TBC1D1: variants seen among roughly 807,000 people sequenced by gnomAD.
TBC1D1 encodes the protein TBC1 (tre-2/USP6, BUB2, cdc16) domain family, member 1.
Under a neutral mutation model 125.6 loss-of-function variants are expected in TBC1D1, and 89 were observed. The observed-to-expected ratio is 0.71, with a 90% CI of 0.60 to 0.85. The LOEUF is 0.85. Among genes scored for constraint, TBC1D1 ranks in the 40% least tolerant of loss-of-function variants. TBC1D1 has a pLI of 0.00. For missense variants in TBC1D1, 1,377 were observed against 1,469.2 expected (o/e 0.94, Z 1.03); for synonymous variants, 565 against 564.1 (o/e 1.00, Z -0.02).
intron 4 of TBC1D1, among the ~76,000 whole-genome samples, 190 bp from the exon 5 acceptor site, chr4:38,020,401 C>T (rs548566723): frequency 2.0e-5 from 3 of 152,252 alleles, no homozygotes; most frequent in Non-Finnish European, 4.4e-5. Context: ...TCACTTGAAC[C>T]CTGGAGACAG....
At chr4:38,011,351 C>G (rs368442331) in intron 2 of TBC1D1, among the ~76,000 whole-genome samples, 1 of 139,836 alleles carries the variant, frequency 7.2e-6, no homozygotes, top group African/African-American at 2.7e-5. Context: ...GAAACTCCAT[C>G]TCAAAAAAAA....
chr4:38,078,029 G>A (rs1362522321), intron 12 of TBC1D1, among the ~76,000 whole-genome samples: 1 of 152,148 alleles, frequency 6.6e-6, no homozygotes. Flanking sequence ...CCAGGACCTG[G>A]CTTAAAGTTA....
chr4:37,972,632 G>A (rs557327833), intron 2 of TBC1D1, among the ~76,000 whole-genome samples: 11 of 152,072 alleles, frequency 7.2e-5, no homozygotes, highest in East Asian at 5.8e-4. Flanking sequence ...TAGGCCAGGC[G>A]CAGTGGCTCA....
Position 38,045,841 on chromosome 4 carries a change from G to A in TBC1D1, c.1567G>A (p.Glu523Lys), listed in dbSNP as rs749152910. The A allele has an allele frequency of 2.5e-6, 4 of 1,614,122 alleles. No individual in the cohort carries two copies. The highest frequency in any genetic ancestry group is 2.2e-5 in the South Asian group (2 of 91,072). ...GGGTAATAAAGCCAGAGGCCTGCAG[G>A]AACACTCCATCAGTGTGGATCTGGA... The change falls in exon 10 of 20, where the codon GAA becomes AAA. Residue 523 changes from glutamate (E) to lysine (K), a missense_variant. Transcript: ENST00000261439.
At chr4:38,000,045 T>C (rs1294729446) in intron 2 of TBC1D1, among the ~76,000 whole-genome samples, 2 of 152,242 alleles carry the variant, frequency 1.3e-5, no homozygotes, top group African/African-American at 4.8e-5. Context: ...TTTGCCCCAT[T>C]AGAGTTTGCT....
At chr4:38,114,880 G>A (rs1029848624) in intron 15 of TBC1D1, among the ~76,000 whole-genome samples, 2 of 152,020 alleles carry the variant, frequency 1.3e-5, no homozygotes, top group South Asian at 2.1e-4. Context: ...TTGAAAGTAC[G>A]GAGATATGCA....
At chr4:38,107,601 T>TTTTG (rs61499918) in intron 15 of TBC1D1, among the ~76,000 whole-genome samples, 4,661 of 130,600 alleles carry the variant, frequency 0.036, 55 homozygotes, top group East Asian at 0.13. Context: ...TTTTTTTTTT[T>TTTTG]GGCAATGTGT....
intron 2 of TBC1D1, among the ~76,000 whole-genome samples, chr4:37,986,440 C>T (rs1287310133): frequency 1.3e-5 from 2 of 151,992 alleles, no homozygotes; most frequent in African/African-American, 2.4e-5. Flanking sequence ...TTTCAGAATA[C>T]TTTATTTATT....
At position 38,096,040 on chromosome 4, in the gene TBC1D1, G is replaced by A. The variant is rs751537266; in HGVS notation, c.2348G>A (p.Arg783Lys). Residue 783 changes from arginine to lysine, a missense_variant, in exon 14 of 20, where the codon AGA (arginine) becomes AAA (lysine). Transcript: ENST00000261439. ...GAAAAGATGCTTAGCACTCCAGGAAGATCAAAAATTAAGTTTGACATGGAA... is the reference window on the plus strand; with the variant it reads ...GAAAAGATGCTTAGCACTCCAGGAAAATCAAAAATTAAGTTTGACATGGAA... 6.2e-6 allele frequency: 10 copies of A among 1,613,672 alleles called. No individual in the cohort carries two copies. In the East Asian group the frequency reaches 6.7e-5, roughly 11 times the overall value.
At chr4:38,037,020 T>C (rs1167203293) in intron 8 of TBC1D1, among the ~76,000 whole-genome samples, 1 of 152,184 alleles carries the variant, frequency 6.6e-6, no homozygotes, top group Non-Finnish European at 1.5e-5. Flanking sequence ...CTGATAGCTT[T>C]TTCCCTGTTC....
Position 38,111,910 on chromosome 4 carries a change from TCC to T in TBC1D1, c.2558-3797_2558-3796del, listed in dbSNP as rs1314956301. On this transcript the variant is annotated intron_variant, in intron 15 of 19. Coordinates refer to ENST00000261439, the MANE Select transcript of TBC1D1 (RefSeq NM_015173.4). ...CTGAAGGCCAGAGACTCACAGCTGT[TCC>T]CCAGCCTGGTAGTGAACCCAGAGGC... 6.3e-5 allele frequency: 62 copies of T among 985,438 alleles called. No individual in the cohort carries two copies. In the African/African-American group the frequency reaches 9.8e-4, roughly 16 times the overall value. The allele number at this position is 985,438 out of a possible 1,614,324, so 61.0% of individuals were successfully genotyped here.
At chr4:37,981,189 C>G (rs775630896) in intron 2 of TBC1D1, among the ~76,000 whole-genome samples, 15 of 152,282 alleles carry the variant, frequency 9.9e-5, no homozygotes, top group Admixed American at 1.3e-4. Context: ...GTGATCTGCC[C>G]ACCTCCGCCT....
In TBC1D1 at chr4:38,124,944, A is replaced by G. The variant is rs371955353; in HGVS notation, c.2963-18A>G. The G allele has an allele frequency of 6.2e-7, 1 of 1,612,070 alleles. No individual in the cohort carries two copies. Among genetic ancestry groups the G allele is most frequent in the East Asian group, 2.2e-5 (1 of 44,864 alleles). On this transcript the variant is annotated intron_variant, in intron 17 of 19. Coordinates refer to ENST00000261439, the MANE Select transcript of TBC1D1 (RefSeq NM_015173.4). Reference sequence around the variant, plus strand: ...AAACTGGTCTGGTTTAACTTTCTGCATTTCTGTGTTTTCTCAGATATGATT... The same window carrying G: ...AAACTGGTCTGGTTTAACTTTCTGCGTTTCTGTGTTTTCTCAGATATGATT...
chr4:38,047,682 A>G (rs1322228654), intron 10 of TBC1D1, among the ~76,000 whole-genome samples: 1 of 152,156 alleles, frequency 6.6e-6, no homozygotes, highest in Non-Finnish European at 1.5e-5. Context: ...CCCAGAAGTT[A>G]CAAATAAGAG....
intron 2 of TBC1D1, among the ~76,000 whole-genome samples, chr4:37,948,618 A>T (rs1341147230): frequency 7.6e-6 from 1 of 131,782 alleles, no homozygotes. Flanking sequence ...ACAGAGCAAG[A>T]CTCTGTCTCA....
chr4:38,047,375 C>T (rs1749693703), intron 10 of TBC1D1, among the ~76,000 whole-genome samples: 1 of 152,100 alleles, frequency 6.6e-6, no homozygotes, highest in Non-Finnish European at 1.5e-5. Context: ...CTGACAAGCT[C>T]CAAGGCAATG....
At chr4:38,087,229 T>C (rs772380814) in intron 12 of TBC1D1, among the ~76,000 whole-genome samples, 5 of 152,174 alleles carry the variant, frequency 3.3e-5, no homozygotes, top group Non-Finnish European at 5.9e-5. Context: ...CCCCAAACAA[T>C]ACTTGTATTT....
intron 2 of TBC1D1, among the ~76,000 whole-genome samples, chr4:37,979,116 A>AT (rs1316914846): frequency 6.6e-6 from 1 of 152,166 alleles, no homozygotes; most frequent in Non-Finnish European, 1.5e-5. Context: ...GGCTGAAGTA[A>AT]TGCCCCCACC....
intron 8 of TBC1D1, among the ~76,000 whole-genome samples, chr4:38,042,224 T>C (rs1032034905): frequency 1.3e-5 from 2 of 152,036 alleles, no homozygotes; most frequent in Non-Finnish European, 2.9e-5. Flanking sequence ...ATAGTCATGA[T>C]ATCTGATGTT....
Sources: gnomAD v4.1 joint callset for allele counts (sites outside exome capture counted in the v4.1 genomes callset) on GRCh38, gnomAD v4.1.1 for gene constraint, MANE v1.5 for transcripts, NCBI Gene and HGNC (gene_info 2026-07-23, HGNC 2026-07-21) for gene names.